KLHL5: variants seen among roughly 807,000 people sequenced by gnomAD.
KLHL5 encodes the protein kelch like family member 5, also known as kelch-like protein 5.
KLHL5 carries 48 observed loss-of-function variants against 77.7 expected under a neutral mutation model. The observed-to-expected ratio is 0.62, with a 90% confidence interval of 0.49 to 0.79. KLHL5 has a LOEUF of 0.79. Ranked by LOEUF, KLHL5 falls within the 30% of genes least tolerant of loss-of-function variation. The pLI is 0.00. For missense variants in KLHL5, 723 were observed against 859.7 expected, an observed-to-expected ratio of 0.84 and a Z score of 1.99; for synonymous variants, 260 against 297.0, an observed-to-expected ratio of 0.88 and a Z score of 1.28.
chr4:39,132,838 C>A, the KLHL5 span, among the ~76,000 whole-genome samples: 5 of 150,894 alleles, frequency 3.3e-5, no homozygotes, highest in African/African-American at 7.5e-5. Flanking sequence ...CTAAGCAATT[C>A]TATAATTACT....
At chr4:39,109,366 G>A (rs1722282552) in intron 8 of KLHL5, among the ~76,000 whole-genome samples, 1 of 152,188 alleles carries the variant, frequency 6.6e-6, no homozygotes, top group African/African-American at 2.4e-5. Context: ...CATGATCTCG[G>A]CACACTGCAG....
chr4:39,084,544 A>C (rs901864312), intron 4 of KLHL5, among the ~76,000 whole-genome samples: 1 of 152,222 alleles, frequency 6.6e-6, no homozygotes, highest in African/African-American at 2.4e-5. Context: ...CTTTTGAAAA[A>C]TACTTTGTAT....
chr4:39,109,043 C>T (rs923003506), intron 8 of KLHL5, among the ~76,000 whole-genome samples: 8 of 152,036 alleles, frequency 5.3e-5, no homozygotes, highest in Non-Finnish European at 1.2e-4. Context: ...CAGAGACAAC[C>T]TAATTAATCA....
intron 1 of KLHL5, chr4:39,063,522 CAAT>C (rs145744432): frequency 0.013 from 5,737 of 427,038 alleles, 60 homozygotes; most frequent in African/African-American, 0.037. Context: ...TTGTAGTTGT[CAAT>C]AATATTTTTC....
chr4:39,107,483 C>G, intron 7 of KLHL5, 86 bp from the exon 8 acceptor site: 1 of 834,440 alleles, frequency 1.2e-6, no homozygotes, highest in Non-Finnish European at 1.7e-6. Context: ...ATGTTTAAGG[C>G]TTATTGTACT....
chr4:39,119,263 T>C (rs9997089), intron 10 of KLHL5, among the ~76,000 whole-genome samples: 80,195 of 152,014 alleles, frequency 0.53, 21,718 homozygotes, highest in Non-Finnish European at 0.59. Context: ...CCTAAAAATG[T>C]GAACTCGTTA....
At chr4:39,098,807 G>T (rs2109485443) in intron 6 of KLHL5, among the ~76,000 whole-genome samples, 1 of 151,980 alleles carries the variant, frequency 6.6e-6, no homozygotes, top group South Asian at 2.1e-4. Flanking sequence ...CTCGTGATCT[G>T]CCCTCCTCGG....
At chr4:39,083,529 A>G (rs1719802699) in intron 4 of KLHL5, among the ~76,000 whole-genome samples, 1 of 152,214 alleles carries the variant, frequency 6.6e-6, no homozygotes, top group African/African-American at 2.4e-5. Flanking sequence ...ACAGGATGAT[A>G]ATATATAGCC....
intron 6 of KLHL5, among the ~76,000 whole-genome samples, chr4:39,098,514 G>A (rs891939458): frequency 1.3e-5 from 2 of 150,932 alleles, no homozygotes; most frequent in Non-Finnish European, 2.9e-5. Flanking sequence ...TGATCTGTCC[G>A]CCTCAACCTC....
intron 1 of KLHL5, among the ~76,000 whole-genome samples, chr4:39,071,826 T>A (rs952662515): frequency 6.6e-6 from 1 of 152,220 alleles, no homozygotes; most frequent in African/African-American, 2.4e-5. Context: ...TGTTTCCCTG[T>A]AGACTAGAAA....
chr4:39,070,658 G>C (rs1031814619), intron 1 of KLHL5, among the ~76,000 whole-genome samples: 5 of 152,010 alleles, frequency 3.3e-5, no homozygotes, highest in African/African-American at 1.2e-4. Flanking sequence ...CTTCATACTG[G>C]TTATTATTTA....
Position 39,121,218 on chromosome 4 carries a change from A to G in KLHL5, c.*152A>G. 1 of 650,596 alleles carries G rather than the reference A, an allele frequency of 1.5e-6. No individual in the cohort carries two copies. Among genetic ancestry groups the G allele is most frequent in the Admixed American group, 2.6e-5 (1 of 39,144 alleles). 40.3% of individuals were successfully genotyped at this position (650,596 alleles called of 1,614,324 possible). On this transcript the variant is annotated 3_prime_UTR_variant, in exon 11 of 11. Coordinates refer to ENST00000504108, the MANE Select transcript of KLHL5 (RefSeq NM_015990.5). ...CAAAATGAAGATAGTAAAACAAGGG[A>G]GGAAGCAGTGGATGGACCAGGATTA...
At chr4:39,142,215 T>C in the KLHL5 span, among the ~76,000 whole-genome samples, 1 of 152,136 alleles carries the variant, frequency 6.6e-6, no homozygotes, top group African/African-American at 2.4e-5. Flanking sequence ...ATTTCCCTTT[T>C]CTTTTAAAAA....
chr4:39,117,730 G>A (rs1722939487), intron 10 of KLHL5, among the ~76,000 whole-genome samples: 1 of 152,066 alleles, frequency 6.6e-6, no homozygotes, highest in South Asian at 2.1e-4. Context: ...TTAAAGTTGT[G>A]GGACCCTCTG....
intron 8 of KLHL5, among the ~76,000 whole-genome samples, chr4:39,109,627 CTTTTTTTTTCTT>C (rs1324185055): frequency 1.6e-5 from 2 of 124,884 alleles, no homozygotes; most frequent in Non-Finnish European, 3.4e-5. Context: ...ATTTCTTTTT[CTTTTTTTTTCTT>C]TTTTTTTTTT....
rs143262292 is a variant in KLHL5 at position 39,097,541 on chromosome 4, C to T, written c.1300+663C>T. 4.6e-3 allele frequency among the ~76,000 whole-genome samples: 703 copies of T among 152,290 alleles called. 5 individuals are homozygous for T. The highest frequency in any genetic ancestry group is 0.016 in the African/African-American group (661 of 41,548). ...AGATAGGTTGCACGGAGAACTTAGC[C>T]GCCCATCTATGCCGTCCTTGCCAGG... On this transcript the variant is annotated intron_variant, in intron 6 of 10. Transcript: ENST00000504108.
chr4:39,068,164 T>G, intron 1 of KLHL5, among the ~76,000 whole-genome samples: 1 of 152,092 alleles, frequency 6.6e-6, no homozygotes, highest in South Asian at 2.1e-4. Flanking sequence ...ATATCACCAC[T>G]CCTCATGGGC....
At chr4:39,129,451 G>A (rs1052972329), downstream of KLHL5, among the ~76,000 whole-genome samples, 46 of 152,116 alleles carry the variant, frequency 3.0e-4, 1 homozygote, top group East Asian at 1.9e-3. The surrounding 1 kb of genome is among the most constrained non-coding windows in gnomAD (Gnocchi z 4.2). Flanking sequence ...CTCGTGATCC[G>A]CCCGCCTTGG....
chr4:39,066,923 T>G (rs1356250395), intron 1 of KLHL5, among the ~76,000 whole-genome samples: 8 of 152,344 alleles, frequency 5.3e-5, no homozygotes, highest in African/African-American at 1.9e-4. Context: ...AACTTTATTT[T>G]TTTAGAACCA....
Sources: gnomAD v4.1 joint callset for allele counts (sites outside exome capture counted in the v4.1 genomes callset) on GRCh38, gnomAD v4.1.1 for gene constraint, Gnocchi (gnomAD v3.1) non-coding constraint, MANE v1.5 for transcripts, NCBI Gene and HGNC (gene_info 2026-07-23, HGNC 2026-07-21) for gene names.